Variants in SPIRE1 observed in about 807,000 individuals in gnomAD.
The protein encoded by SPIRE1 is protein spire homolog 1.
Under a neutral mutation model 94.1 loss-of-function variants are expected in SPIRE1, and 40 were observed. That is an observed-to-expected ratio of 0.43 (90% confidence interval 0.33 to 0.55). The LOEUF (loss-of-function observed/expected upper bound fraction) is 0.55. SPIRE1 is among the 20% of genes least tolerant of loss of function. The pLI is 0.06. For synonymous variants in SPIRE1, 376 were observed against 371.7 expected (o/e 1.01, Z -0.13); for missense variants, 838 against 975.2 (o/e 0.86, Z 1.87).
chr18:12,631,994 G>T (rs897973137), intron 2 of SPIRE1, among the ~76,000 whole-genome samples: 1 of 151,414 alleles, frequency 6.6e-6, no homozygotes, highest in Non-Finnish European at 1.5e-5. Flanking sequence ...ACAGTGAGCC[G>T]TTATCATGGC....
chr18:12,507,222 A>G (rs1359277711), intron 5 of SPIRE1, among the ~76,000 whole-genome samples: 2 of 152,188 alleles, frequency 1.3e-5, no homozygotes, highest in Non-Finnish European at 2.9e-5. Context: ...GTGATTTTGT[A>G]GTGGTTAGTT....
intron 6 of SPIRE1, among the ~76,000 whole-genome samples, chr18:12,500,687 G>A (rs2033623665): frequency 6.6e-6 from 1 of 152,170 alleles, no homozygotes; most frequent in Admixed American, 6.5e-5. Flanking sequence ...CACTACTCAT[G>A]CTAGCGAAAA....
chr18:12,615,345 A>AAAAAAAATATATATATATAT, intron 2 of SPIRE1, among the ~76,000 whole-genome samples: 3 of 17,242 alleles, frequency 1.7e-4, no homozygotes, highest in Non-Finnish European at 5.6e-4. Context: ...AAAAAAAAAA[A>AAAAAAAATATATATATATAT]ATATATATAT....
intron 2 of SPIRE1, among the ~76,000 whole-genome samples, chr18:12,634,216 C>T (rs992204580): frequency 2.0e-5 from 3 of 151,336 alleles, no homozygotes; most frequent in African/African-American, 4.9e-5. Context: ...CCACTGCCCT[C>T]CAGCCTGGGC....
chr18:12,613,757 G>A (rs554325291), intron 2 of SPIRE1, among the ~76,000 whole-genome samples: 3 of 152,124 alleles, frequency 2.0e-5, no homozygotes, highest in African/African-American at 7.2e-5. Flanking sequence ...AAAATTAGCT[G>A]GGCAAGGTGG....
intron 2 of SPIRE1, among the ~76,000 whole-genome samples, chr18:12,610,571 A>T (rs1057017300): frequency 1.4e-4 from 21 of 151,888 alleles, no homozygotes; most frequent in African/African-American, 4.6e-4. Context: ...GGTTAAATCT[A>T]CCTCTTCACT....
At chr18:12,615,345 A>AAAAAAATAAAAAAAAAAATAT in intron 2 of SPIRE1, among the ~76,000 whole-genome samples, 1 of 17,232 alleles carries the variant, frequency 5.8e-5, no homozygotes, top group Non-Finnish European at 1.9e-4. Context: ...AAAAAAAAAA[A>AAAAAAATAAAAAAAAAAATAT]ATATATATAT....
chr18:12,662,004 C>G (rs2038701349), upstream of SPIRE1: 1 of 249,184 alleles, frequency 4.0e-6, no homozygotes, highest in Admixed American at 5.1e-5. Context: ...GAATCCTTGA[C>G]TTTTTTTATA....
At chr18:12,567,183 C>A (rs1213712450) in intron 2 of SPIRE1, among the ~76,000 whole-genome samples, 3 of 152,078 alleles carry the variant, frequency 2.0e-5, no homozygotes, top group African/African-American at 4.8e-5. Flanking sequence ...CAGCAATGAA[C>A]AAGTAGAATT....
chr18:12,586,722 CTG>C (rs1033551349), intron 2 of SPIRE1, among the ~76,000 whole-genome samples: 2 of 152,122 alleles, frequency 1.3e-5, no homozygotes, highest in Non-Finnish European at 2.9e-5. Context: ...ACTAGTAAAA[CTG>C]TTTCTCATTT....
At chr18:12,539,024 C>T (rs1440433452) in intron 3 of SPIRE1, among the ~76,000 whole-genome samples, 1 of 152,222 alleles carries the variant, frequency 6.6e-6, no homozygotes, top group East Asian at 1.9e-4. Flanking sequence ...CTTCACCTGA[C>T]AGGCAAAATC....
chr18:12,478,374 TAG>T (rs552345456), intron 10 of SPIRE1, among the ~76,000 whole-genome samples: 14 of 138,718 alleles, frequency 1.0e-4, no homozygotes, highest in African/African-American at 3.6e-4. Context: ...TGTATGAAGC[TAG>T]AGTGTGTGTG....
At chr18:12,579,096 G>A (rs1336488741) in intron 2 of SPIRE1, among the ~76,000 whole-genome samples, 1 of 150,860 alleles carries the variant, frequency 6.6e-6, no homozygotes, top group Non-Finnish European at 1.5e-5. Flanking sequence ...AAGAGAAGGG[G>A]AGGAAAAAAA....
At chr18:12,457,552 C>T (rs538254219) in intron 12 of SPIRE1, among the ~76,000 whole-genome samples, 3 of 152,158 alleles carry the variant, frequency 2.0e-5, no homozygotes, top group Non-Finnish European at 4.4e-5. Flanking sequence ...ACCACACTAG[C>T]GCACCTCTAG....
At chr18:12,481,318 T>A (rs1303117022) in intron 9 of SPIRE1, among the ~76,000 whole-genome samples, 1 of 125,352 alleles carries the variant, frequency 8.0e-6, no homozygotes. Context: ...AGTAGGATAT[T>A]CCCCCCTAGC....
chr18:12,463,570 CTG>C, intron 11 of SPIRE1, 77 bp from the exon 12 acceptor site: 1 of 1,174,620 alleles, frequency 8.5e-7, no homozygotes, highest in South Asian at 1.5e-5. Context: ...GTGACAAACA[CTG>C]TAATTCAAAG....
rs140482661 is a variant in SPIRE1 at position 12,644,114 on chromosome 18, G to A, written c.338-9018C>T. Reference sequence around the variant, plus strand: ...CTTGGGAGGCTGAGGAGGGAGAATCGCTTGAACACAGGAGGCGGAGGTTGC... The same window carrying A: ...CTTGGGAGGCTGAGGAGGGAGAATCACTTGAACACAGGAGGCGGAGGTTGC... On this transcript the variant is annotated intron_variant, in intron 1 of 16. Coordinates refer to ENST00000409402, the MANE Select transcript of SPIRE1 (RefSeq NM_001128626.2). Among the ~76,000 whole-genome samples, 209 of 146,440 alleles carry A rather than the reference G, an allele frequency of 1.4e-3. 1 individual carries two copies. Among genetic ancestry groups the A allele is most frequent in the East Asian group, 7.3e-3 (36 of 4,948 alleles).
chr18:12,504,960 C>G (rs937668656), intron 6 of SPIRE1, among the ~76,000 whole-genome samples: 5 of 152,074 alleles, frequency 3.3e-5, no homozygotes, highest in African/African-American at 1.2e-4. Flanking sequence ...ATCAGGGTGG[C>G]TAACAAGCAG....
At chr18:12,535,059 A>G (rs1201505069) in intron 4 of SPIRE1, among the ~76,000 whole-genome samples, 1 of 152,194 alleles carries the variant, frequency 6.6e-6, no homozygotes, top group Non-Finnish European at 1.5e-5. Context: ...TAATAAATAA[A>G]ACAGTTAAAT....
Sources: gnomAD v4.1 joint callset for allele counts (sites outside exome capture counted in the v4.1 genomes callset) on GRCh38, gnomAD v4.1.1 for gene constraint, MANE v1.5 for transcripts, NCBI Gene and HGNC (gene_info 2026-07-23, HGNC 2026-07-21) for gene names.